Variants in SYCP2L observed in about 807,000 individuals in gnomAD.
SYCP2L encodes synaptonemal complex protein 2 like.
Under a neutral mutation model 125.8 loss-of-function variants are expected in SYCP2L, and 98 were observed. The ratio of observed to expected loss-of-function variants is 0.78; its 90% CI spans 0.66 to 0.92. The LOEUF is 0.92. SYCP2L is among the 40% of genes least tolerant of loss of function. The probability of loss-of-function intolerance (pLI) is 0.00; values close to 1 mark genes in which losing one functional copy is unlikely to be tolerated. For synonymous variants in SYCP2L, 317 were observed against 325.4 expected, an observed-to-expected ratio of 0.97 and a Z score of 0.28; for missense variants, 842 against 936.4, an observed-to-expected ratio of 0.90 and a Z score of 1.32.
At chr6:10,910,228 C>G (rs1278518905) in intron 11 of SYCP2L, 28 bp downstream of exon 11, 1 of 1,597,264 alleles carries the variant, frequency 6.3e-7, no homozygotes, top group Non-Finnish European at 8.6e-7. Context: ...GCATTATTGA[C>G]TAGTTGTATT....
intron 2 of SYCP2L, among the ~76,000 whole-genome samples, chr6:10,893,109 G>A (rs1248390910): frequency 1.4e-5 from 2 of 144,982 alleles, no homozygotes; most frequent in Non-Finnish European, 3.1e-5. Flanking sequence ...AGGTTCAAGC[G>A]ATTCTCCTGC....
intron 19 of SYCP2L, 138 bp from the exon 20 acceptor site, chr6:10,931,302 A>G (rs747984554): frequency 2.6e-6 from 2 of 758,940 alleles, no homozygotes; most frequent in South Asian, 3.3e-5. Flanking sequence ...TCAGGAAAGG[A>G]TCTTAAGAGT....
intron 6 of SYCP2L, among the ~76,000 whole-genome samples, chr6:10,900,358 CTTTTT>C (rs1241224571): frequency 1.6e-5 from 2 of 127,990 alleles, no homozygotes; most frequent in African/African-American, 2.6e-5. Flanking sequence ...CTTTTCTTTT[CTTTTT>C]TTTTTTTTGA....
At chr6:10,908,862 A>G (rs1337115558) in intron 10 of SYCP2L, among the ~76,000 whole-genome samples, 1 of 152,144 alleles carries the variant, frequency 6.6e-6, no homozygotes, top group Admixed American at 6.5e-5. Context: ...GGATGTATGC[A>G]TTTTGGCAAG....
intron 29 of SYCP2L, among the ~76,000 whole-genome samples, chr6:10,971,613 T>A (rs1162990888): frequency 1.3e-5 from 2 of 152,184 alleles, no homozygotes; most frequent in Non-Finnish European, 2.9e-5. Context: ...GGGAGTATAT[T>A]CTTCCAAAGA....
At chr6:10,906,684 G>A (rs567589137) in intron 9 of SYCP2L, among the ~76,000 whole-genome samples, 29 of 150,810 alleles carry the variant, frequency 1.9e-4, no homozygotes, top group South Asian at 6.3e-4. Context: ...TGCAGCCTCC[G>A]CCTCCCGTTT....
intron 19 of SYCP2L, 109 bp downstream of exon 19, chr6:10,930,623 T>C: frequency 7.9e-7 from 1 of 1,271,442 alleles, no homozygotes; most frequent in South Asian, 1.4e-5. Context: ...TATATGATTA[T>C]GGGGCCAGCT....
intron 8 of SYCP2L, among the ~76,000 whole-genome samples, 197 bp downstream of exon 8, chr6:10,903,160 C>T (rs1271258693): frequency 2.6e-5 from 4 of 152,216 alleles, no homozygotes; most frequent in Admixed American, 2.0e-4. Context: ...TGTGCCCAGG[C>T]GCCGTAGATC....
chr6:10,926,764 G>A (rs2113349479), intron 16 of SYCP2L, among the ~76,000 whole-genome samples: 1 of 150,300 alleles, frequency 6.7e-6, no homozygotes, highest in East Asian at 2.0e-4. Context: ...TTTCCCAAGT[G>A]CCCATAGATT....
intron 14 of SYCP2L, among the ~76,000 whole-genome samples, chr6:10,921,056 C>T (rs758639961): frequency 6.6e-6 from 1 of 152,100 alleles, no homozygotes; most frequent in Non-Finnish European, 1.5e-5. Flanking sequence ...ATACCCAGGC[C>T]CCAGTATGTG....
chr6:10,940,345 T>A (rs58963251), intron 21 of SYCP2L, among the ~76,000 whole-genome samples: 3,814 of 152,232 alleles, frequency 0.025, 170 homozygotes, highest in East Asian at 0.22. Context: ...CCAAAGCAGA[T>A]AAAATCAGCA....
In SYCP2L at chr6:10,912,619, A is replaced by T; in HGVS notation, c.919-54A>T. ...TTTTCAAGGGAATAATGTTTATCTG[A>T]CCCTATAGCATGATTTTTATGTGTA... On this transcript the variant is annotated intron_variant, in intron 12 of 29. Coordinates refer to ENST00000283141, the MANE Select transcript of SYCP2L (RefSeq NM_001040274.3). This position sits in a 1 kb window ranked among gnomAD's most constrained non-coding sequence, Gnocchi z 4.1. 1 of 1,268,128 alleles carries T rather than the reference A, an allele frequency of 7.9e-7. No individual in the cohort carries two copies. The highest frequency in any genetic ancestry group is 1.5e-5 in the African/African-American group (1 of 67,806). 78.6% of individuals were successfully genotyped at this position (1,268,128 alleles called of 1,614,324 possible).
At chr6:10,914,711 C>T (rs559191614) in intron 14 of SYCP2L, among the ~76,000 whole-genome samples, 6 of 148,188 alleles carry the variant, frequency 4.0e-5, no homozygotes, top group African/African-American at 1.2e-4. Context: ...AGAGATCTTT[C>T]ACCTCCTTGG....
At chr6:10,936,777 A>G (rs1461807413) in intron 21 of SYCP2L, among the ~76,000 whole-genome samples, 2 of 152,212 alleles carry the variant, frequency 1.3e-5, no homozygotes, top group East Asian at 3.9e-4. Flanking sequence ...ATGGCAATCA[A>G]AAGAGAGCAG....
intron 14 of SYCP2L, among the ~76,000 whole-genome samples, chr6:10,921,990 C>T (rs1780807503): frequency 6.6e-6 from 1 of 152,132 alleles, no homozygotes. Flanking sequence ...CAGGCGTGAG[C>T]CAACATGCCT....
chr6:10,928,199 CACAAGGGTATTGTGATACCCTTGTGAT>C (rs1037142965), intron 17 of SYCP2L, among the ~76,000 whole-genome samples, 177 bp from the exon 18 acceptor site: 25 of 151,776 alleles, frequency 1.6e-4, no homozygotes, highest in East Asian at 7.8e-4. Flanking sequence ...CATAGGAAAT[CACAAGGGTATTGTGATACCCTTGTGAT>C]ACAAGGGTAT....
At chr6:10,960,296 T>C (rs1232830266) in intron 26 of SYCP2L, among the ~76,000 whole-genome samples, 1 of 152,232 alleles carries the variant, frequency 6.6e-6, no homozygotes, top group Non-Finnish European at 1.5e-5. Flanking sequence ...GCATGCAATG[T>C]CCTTTGAATG....
intron 21 of SYCP2L, among the ~76,000 whole-genome samples, chr6:10,938,665 AC>A (rs1197414506): frequency 6.6e-6 from 1 of 152,236 alleles, no homozygotes; most frequent in East Asian, 1.9e-4. Context: ...TAAAGGCTTC[AC>A]CAAAAAACTG....
intron 28 of SYCP2L, among the ~76,000 whole-genome samples, chr6:10,962,775 G>T (rs1291668343): frequency 6.6e-6 from 1 of 152,072 alleles, no homozygotes; most frequent in Non-Finnish European, 1.5e-5. Context: ...TTACTGTCTG[G>T]CTTAATAGAA....
Sources: gnomAD v4.1 joint callset for allele counts (sites outside exome capture counted in the v4.1 genomes callset) on GRCh38, gnomAD v4.1.1 for gene constraint, Gnocchi (gnomAD v3.1) non-coding constraint, MANE v1.5 for transcripts, NCBI Gene and HGNC (gene_info 2026-07-23, HGNC 2026-07-21) for gene names.